MAF: variants seen among roughly 807,000 people sequenced by gnomAD.
MAF encodes the protein MAF bZIP transcription factor.
A neutral mutation model predicts 22.0 loss-of-function variants in MAF; 10 were observed. That is an observed-to-expected ratio of 0.45 (90% CI 0.28 to 0.77). The LOEUF (loss-of-function observed/expected upper bound fraction) is 0.77. Among genes scored for constraint, MAF ranks in the 30% least tolerant of loss-of-function variants. The probability of loss-of-function intolerance (pLI) is 0.12; values close to 1 mark genes in which losing one functional copy is unlikely to be tolerated. For missense variants in MAF, 544 were observed against 548.4 expected (o/e 0.99, Z 0.08); for synonymous variants, 337 against 255.8 (o/e 1.32, Z -3.03).
intron 1 of MAF, chr16:79,594,826 TC>T: frequency 8.0e-7 from 1 of 1,249,822 alleles, no homozygotes; most frequent in East Asian, 3.5e-5. Context: ...AGCCAGCCAC[TC>T]AAACCTCATT....
intron 1 of MAF, among the ~76,000 whole-genome samples, chr16:79,588,218 T>C (rs1483429724): frequency 6.6e-6 from 1 of 152,168 alleles, no homozygotes; most frequent in African/African-American, 2.4e-5. Flanking sequence ...GAAAACGTGT[T>C]GCAGGCTGTC....
chr16:79,564,335 C>T, the MAF span, among the ~76,000 whole-genome samples: 10 of 151,998 alleles, frequency 6.6e-5, no homozygotes, highest in South Asian at 2.1e-4. Flanking sequence ...CTTCTAGTTG[C>T]GGGGGAGAAG....
chr16:79,227,376 C>G, the MAF span, among the ~76,000 whole-genome samples: 1 of 152,016 alleles, frequency 6.6e-6, no homozygotes, highest in Non-Finnish European at 1.5e-5. Context: ...CAAAACAAAA[C>G]AACTGGCTGG....
chr16:79,327,408 AT>A, the MAF span, among the ~76,000 whole-genome samples: 3 of 151,838 alleles, frequency 2.0e-5, no homozygotes, highest in East Asian at 5.8e-4. Flanking sequence ...TGATGTACCT[AT>A]TTTCTCATTG....
chr16:79,575,981 A>G, the MAF span, among the ~76,000 whole-genome samples: 1 of 152,080 alleles, frequency 6.6e-6, no homozygotes, highest in East Asian at 1.9e-4. Flanking sequence ...GAAATCCCAC[A>G]GGGAGCCTAT....
At chr16:79,496,423 G>A in the MAF span, among the ~76,000 whole-genome samples, 1 of 152,146 alleles carries the variant, frequency 6.6e-6, no homozygotes, top group Non-Finnish European at 1.5e-5. Flanking sequence ...TAGAACTGTC[G>A]TACACAGTGA....
chr16:79,300,213 G>T, the MAF span, among the ~76,000 whole-genome samples: 1 of 152,172 alleles, frequency 6.6e-6, no homozygotes, highest in Non-Finnish European at 1.5e-5. Flanking sequence ...ATTAAAAATA[G>T]ACAACATTTA....
chr16:79,431,705 C>T, the MAF span, among the ~76,000 whole-genome samples: 1 of 152,186 alleles, frequency 6.6e-6, no homozygotes, highest in Non-Finnish European at 1.5e-5. Flanking sequence ...CATAAACCTC[C>T]CGTGATTTCA....
the MAF span, among the ~76,000 whole-genome samples, chr16:79,232,561 T>G: frequency 1.3e-5 from 2 of 151,990 alleles, no homozygotes; most frequent in Non-Finnish European, 2.9e-5. Flanking sequence ...ATACTTAACC[T>G]AATATTAGAA....
chr16:79,381,736 C>T, the MAF span, among the ~76,000 whole-genome samples: 2 of 152,166 alleles, frequency 1.3e-5, no homozygotes, highest in Admixed American at 6.5e-5. Flanking sequence ...CACTATTTCT[C>T]AACAGCTTGG....
At chr16:79,289,654 G>A in the MAF span, among the ~76,000 whole-genome samples, 1 of 152,088 alleles carries the variant, frequency 6.6e-6, no homozygotes, top group Admixed American at 6.6e-5. Context: ...GCTTTGCAAA[G>A]CAGCCTGAAT....
chr16:79,401,509 A>G, the MAF span, among the ~76,000 whole-genome samples: 1 of 152,128 alleles, frequency 6.6e-6, no homozygotes. Flanking sequence ...ATTTTATTGG[A>G]GCAGGGAGAG....
chr16:79,379,889 C>A, the MAF span, among the ~76,000 whole-genome samples: 1 of 152,170 alleles, frequency 6.6e-6, no homozygotes, highest in African/African-American at 2.4e-5. Flanking sequence ...TGAGAAGAAG[C>A]AAGCTTGTTT....
chr16:79,522,145 A>C, the MAF span, among the ~76,000 whole-genome samples: 1 of 152,218 alleles, frequency 6.6e-6, no homozygotes, highest in Non-Finnish European at 1.5e-5. Flanking sequence ...GGGGTTGAGC[A>C]TCTTGCTCAA....
chr16:79,438,896 C>A, the MAF span, among the ~76,000 whole-genome samples: 1 of 152,168 alleles, frequency 6.6e-6, no homozygotes, highest in Non-Finnish European at 1.5e-5. Context: ...TCCCTGGGAC[C>A]GTCCAGGGAG....
chr16:79,422,105 T>A, the MAF span, among the ~76,000 whole-genome samples: 1 of 152,192 alleles, frequency 6.6e-6, no homozygotes, highest in African/African-American at 2.4e-5. Flanking sequence ...AATGAGAGCA[T>A]GATAAAGTAG....
At chr16:79,506,492 C>T in the MAF span, among the ~76,000 whole-genome samples, 12 of 152,306 alleles carry the variant, frequency 7.9e-5, 1 homozygote, top group South Asian at 4.1e-4. Context: ...GTGAGGCTCT[C>T]CTGCATGGGA....
chr16:79,408,854 A>G, the MAF span, among the ~76,000 whole-genome samples: 1 of 152,328 alleles, frequency 6.6e-6, no homozygotes, highest in South Asian at 2.1e-4. Flanking sequence ...TTAAGAAATC[A>G]GATGGGGGGT....
the MAF span, among the ~76,000 whole-genome samples, chr16:79,228,735 A>C: frequency 2.6e-5 from 4 of 152,090 alleles, no homozygotes; most frequent in Non-Finnish European, 2.9e-5. Flanking sequence ...GTTTCCACTT[A>C]GGCTGAGTTA....
Sources: allele counts gnomAD v4.1 joint callset (sites outside exome capture counted in the v4.1 genomes callset), GRCh38; gene constraint gnomAD v4.1.1; transcripts MANE v1.5; gene names NCBI Gene and HGNC (gene_info 2026-07-23, HGNC 2026-07-21).